Variants in CCDC7 observed in about 807,000 individuals in gnomAD.
CCDC7 encodes coiled-coil domain containing 7, also known as coiled-coil domain-containing protein 7.
Under a neutral mutation model 196.9 loss-of-function variants are expected in CCDC7, and 183 were observed. The observed-to-expected ratio is 0.93, with a 90% CI of 0.82 to 1.05. The LOEUF is 1.05. Among genes scored for constraint, CCDC7 ranks in the 50% least tolerant of loss-of-function variants. The probability of loss-of-function intolerance (pLI) is 0.00; values close to 1 mark genes in which losing one functional copy is unlikely to be tolerated. For missense variants in CCDC7, 1,540 were observed against 1,482.2 expected, an observed-to-expected ratio of 1.04 and a Z score of -0.64; for synonymous variants, 525 against 484.6, an observed-to-expected ratio of 1.08 and a Z score of -1.10.
At chr10:32,754,358 TGG>T (rs2076093515) in intron 28 of CCDC7, among the ~76,000 whole-genome samples, 1 of 152,182 alleles carries the variant, frequency 6.6e-6, no homozygotes, top group African/African-American at 2.4e-5. Flanking sequence ...CCTCATATGA[TGG>T]AAACAATGAA....
intron 5 of CCDC7, among the ~76,000 whole-genome samples, chr10:32,467,203 G>A (rs887163263): frequency 3.4e-4 from 52 of 151,626 alleles, no homozygotes; most frequent in African/African-American, 1.2e-3. Context: ...CTGGGTTCAA[G>A]CAATTGTCCT....
At chr10:32,577,927 C>T (rs2058379009) in intron 16 of CCDC7, among the ~76,000 whole-genome samples, 2 of 152,164 alleles carry the variant, frequency 1.3e-5, no homozygotes, top group South Asian at 4.1e-4. Flanking sequence ...CAGTCACTGG[C>T]ATGTGCCACT....
At chr10:32,549,508 G>A (rs61856039) in intron 13 of CCDC7, among the ~76,000 whole-genome samples, 2 of 151,916 alleles carry the variant, frequency 1.3e-5, no homozygotes, top group African/African-American at 2.4e-5. Flanking sequence ...TCTAGAAGGG[G>A]TTTTCCAATG....
Position 32,511,268 on chromosome 10 carries a change from G to GGGT in CCDC7, c.873-6676_873-6675insGTG, listed in dbSNP as rs1333619510. 14 of 529,660 alleles carry GGGT rather than the reference G, an allele frequency of 2.6e-5. 1 individual carries two copies. The highest frequency in any genetic ancestry group is 7.4e-5 in the South Asian group (3 of 40,370). 32.8% of individuals were successfully genotyped at this position (529,660 alleles called of 1,614,324 possible). On this transcript the variant is annotated intron_variant, in intron 9 of 41. Transcript: ENST00000639629. ...GAATTATTCTGTGGGGGGCGGGGGG[G>GGGT]GCGGGGAAATGTACTTTTTGAATAT...
intron 18 of CCDC7, among the ~76,000 whole-genome samples, chr10:32,621,171 T>C (rs1334439866): frequency 6.6e-6 from 1 of 152,206 alleles, no homozygotes; most frequent in Admixed American, 6.5e-5. Context: ...CTTTGAAGGA[T>C]TTTATTTCTG....
At chr10:32,610,784 G>C (rs926096607) in intron 18 of CCDC7, among the ~76,000 whole-genome samples, 8 of 152,268 alleles carry the variant, frequency 5.3e-5, no homozygotes, top group African/African-American at 1.9e-4. Flanking sequence ...AGTATTCCAT[G>C]GTGTATATGT....
chr10:32,459,703 GT>G (rs1182451367), intron 3 of CCDC7, among the ~76,000 whole-genome samples: 2 of 81,834 alleles, frequency 2.4e-5, no homozygotes, highest in Admixed American at 1.6e-4. Context: ...TACCCTAATA[GT>G]TTTTTTCCTT....
intron 24 of CCDC7, among the ~76,000 whole-genome samples, chr10:32,704,996 G>A (rs919030754): frequency 5.3e-5 from 8 of 152,146 alleles, no homozygotes; most frequent in East Asian, 1.9e-4. Context: ...TTCGGGTCCC[G>A]CTCAGTGCGC....
chr10:32,664,921 AT>A (rs1331835905), intron 21 of CCDC7, among the ~76,000 whole-genome samples: 2 of 152,054 alleles, frequency 1.3e-5, no homozygotes, highest in Non-Finnish European at 2.9e-5. Context: ...ACTAATTTAC[AT>A]TCCCACCAAC....
intron 29 of CCDC7, among the ~76,000 whole-genome samples, chr10:32,786,550 C>T (rs1238063155): frequency 6.6e-6 from 1 of 152,172 alleles, no homozygotes; most frequent in African/African-American, 2.4e-5. Flanking sequence ...CAATTGAGGC[C>T]AGGAGTTCGA....
chr10:32,630,005 G>T (rs890937321), intron 18 of CCDC7, among the ~76,000 whole-genome samples: 1 of 152,196 alleles, frequency 6.6e-6, no homozygotes, highest in African/African-American at 2.4e-5. Flanking sequence ...GGATTGCTGT[G>T]CTTCCTGTTT....
intron 26 of CCDC7, among the ~76,000 whole-genome samples, 172 bp downstream of exon 27, chr10:32,727,004 G>A (rs1253631888): frequency 1.3e-5 from 2 of 152,126 alleles, no homozygotes; most frequent in African/African-American, 2.4e-5. Context: ...TTAACTTCAT[G>A]TTGGAGTTTC....
At chr10:32,623,878 G>A (rs911234025) in intron 18 of CCDC7, 13 of 433,924 alleles carry the variant, frequency 3.0e-5, no homozygotes, top group South Asian at 1.2e-4. Flanking sequence ...ACCAGATTTC[G>A]CCTGAACTGA....
chr10:32,813,311 A>G (rs2087601614), intron 30 of CCDC7, among the ~76,000 whole-genome samples: 1 of 152,184 alleles, frequency 6.6e-6, no homozygotes, highest in Non-Finnish European at 1.5e-5. Context: ...TGAACTTAGT[A>G]GTTTCTAATT....
intron 9 of CCDC7, among the ~76,000 whole-genome samples, chr10:32,502,523 T>A (rs2044240898): frequency 6.6e-6 from 1 of 152,122 alleles, no homozygotes; most frequent in Non-Finnish European, 1.5e-5. Context: ...TTTGGCTGTA[T>A]CTGTTTTGAT....
intron 28 of CCDC7, among the ~76,000 whole-genome samples, chr10:32,740,482 A>G (rs1423913867): frequency 1.3e-5 from 2 of 152,184 alleles, no homozygotes; most frequent in African/African-American, 4.8e-5. Flanking sequence ...GCAAAACCCA[A>G]CATATACAGA....
chr10:32,520,340 G>A (rs549370566), intron 11 of CCDC7, among the ~76,000 whole-genome samples: 2 of 152,194 alleles, frequency 1.3e-5, no homozygotes, highest in East Asian at 3.9e-4. Context: ...CACCAACAGT[G>A]TATGAGGGTT....
At chr10:32,476,492 G>A (rs546264645) in intron 8 of CCDC7, among the ~76,000 whole-genome samples, 109 of 152,208 alleles carry the variant, frequency 7.2e-4, no homozygotes, top group African/African-American at 2.6e-3. Flanking sequence ...TCCACGTTTT[G>A]GCAATTATAA....
In CCDC7 at chr10:32,848,619, G is replaced by T. The variant is rs768994985; in HGVS notation, c.3796G>T (p.Asp1266Tyr). ...AGATGTGAACTTATTTAAAAACAAA[G>T]ATATGTCCGTACAACGTCAAGAAGG... Residue 1266 changes from aspartate (D) to tyrosine (Y), a missense_variant, in exon 39 of 42, where the codon GAT becomes TAT. Coordinates refer to ENST00000639629, the Ensembl canonical transcript of CCDC7. 2.4e-5 allele frequency: 36 copies of T among 1,503,586 alleles called. No homozygotes were observed. In the South Asian group the frequency reaches 4.0e-4, roughly 17 times the overall value. 93.1% of individuals were successfully genotyped at this position (1,503,586 alleles called of 1,614,324 possible).
Sources: allele counts gnomAD v4.1 joint callset (sites outside exome capture counted in the v4.1 genomes callset), GRCh38; gene constraint gnomAD v4.1.1; transcripts MANE v1.5; gene names NCBI Gene and HGNC (gene_info 2026-07-23, HGNC 2026-07-21).